LMTK3: variants seen among roughly 807,000 people sequenced by gnomAD.
LMTK3 encodes serine/threonine-protein kinase LMTK3.
LMTK3 carries 27 observed loss-of-function variants against 116.7 expected under a neutral mutation model. That is an observed-to-expected ratio of 0.23 (90% CI 0.17 to 0.32). The LOEUF (loss-of-function observed/expected upper bound fraction) is 0.32. Among genes scored for constraint, LMTK3 ranks in the 10% least tolerant of loss-of-function variants. The pLI is 1.00. For missense variants in LMTK3, 1,764 were observed against 2,068.5 expected (o/e 0.85, Z 2.86); for synonymous variants, 965 against 971.0 (o/e 0.99, Z 0.11).
rs1266153335 is a variant in LMTK3 at position 48,510,053 on chromosome 19, G to A, written c.331C>T (p.Pro111Ser). ...YILPLAEVSL[P>S]MPAPQPSHSD... Reference sequence around the variant, plus strand: ...TGTGAAGGCTGCGGGGCAGGCATTGGCAGGGAGACCTCAGCCAGCGGGAGA... The same window carrying A: ...TGTGAAGGCTGCGGGGCAGGCATTGACAGGGAGACCTCAGCCAGCGGGAGA... The change falls in exon 3 of 15, where the codon CCA (proline) becomes TCA (serine). Residue 111 changes from proline to serine, a missense_variant. Physicochemically the swap from Pro to Ser is moderately conservative, Grantham distance 74. Transcript: ENST00000600059. The A allele has an allele frequency of 8.1e-6, 13 of 1,613,828 alleles. No homozygotes were observed. The highest frequency in any genetic ancestry group is 1.3e-5 in the African/African-American group (1 of 74,918).
intron 5 of LMTK3, among the ~76,000 whole-genome samples, chr19:48,507,057 G>T (rs1972582782): frequency 6.6e-6 from 1 of 152,186 alleles, no homozygotes; most frequent in South Asian, 2.1e-4. Flanking sequence ...CTCCCAAAGT[G>T]CTAGGATTAC....
Position 48,497,825 on chromosome 19 carries a change from C to G in LMTK3, c.3244G>C (p.Gly1082Arg), listed in dbSNP as rs1003487730. The change falls in exon 11 of 15, where the codon GGG becomes CGG. Residue 1082 changes from glycine to arginine, a missense_variant. This residue lies in a region of LMTK3 where 1,028 missense variants were observed against 1,050.6 expected (regional missense o/e 0.98). Transcript: ENST00000600059. This position sits in a 1 kb window ranked among gnomAD's most constrained non-coding sequence, Gnocchi z 5.7. ...PGPLGPAPKN[G>R]TLEPGTERRA... ...CTCTCGGTCCCGGGTTCCAGCGTCC[C>G]GTTCTTGGGGGCTGGGCCAAGGGGG... The G allele has an allele frequency of 1.4e-6, 2 of 1,395,890 alleles. No homozygotes were observed. Among genetic ancestry groups the G allele is most frequent in the Non-Finnish European group, 1.9e-6 (2 of 1,081,074 alleles). The allele number at this position is 1,395,890 out of a possible 1,614,324, so 86.5% of individuals were successfully genotyped here. A position where few individuals can be genotyped will look rare whatever the true frequency, so the allele number is the denominator to read the frequency against.
chr19:48,499,093 C>T lies in LMTK3; in HGVS notation c.1976G>A (p.Gly659Asp). 1.3e-6 allele frequency: 2 copies of T among 1,553,434 alleles called. No homozygotes were observed. The highest frequency in any genetic ancestry group is 1.7e-6 in the Non-Finnish European group (2 of 1,154,634). The change falls in exon 11 of 15, where the codon GGT becomes GAT. Residue 659 changes from glycine to aspartate, a missense_variant. By Grantham distance (94) the Gly-to-Asp change is moderately conservative. Transcript: ENST00000600059. ...SPGEDSSSLG[G>D]GPSRRGPLPC... Reference sequence around the variant, plus strand: ...TAGGGGACCCCGGCGGCTTGGGCCACCTCCAAGGCTGCTGCTGTCTTCCCC... The same window carrying T: ...TAGGGGACCCCGGCGGCTTGGGCCATCTCCAAGGCTGCTGCTGTCTTCCCC...
At chr19:48,487,644 T>A (rs888128672) in intron 14 of LMTK3, among the ~76,000 whole-genome samples, 1 of 152,122 alleles carries the variant, frequency 6.6e-6, no homozygotes, top group Non-Finnish European at 1.5e-5. Context: ...AACTTTCCTA[T>A]GACTCTAGCT....
chr19:48,499,576 T>G lies in LMTK3; in HGVS notation c.1493A>C (p.Gln498Pro). Reference sequence around the variant, plus strand: ...GGGGGCCGGGGGGGCCGACGCCGGCTGCCAGGCAGGTGCCCCCCCACCCCG... The same window carrying G: ...GGGGGCCGGGGGGGCCGACGCCGGCGGCCAGGCAGGTGCCCCCCCACCCCG... Reference protein sequence around the residue: ...AGRGGGAPAWQPASAPPAPHA... With the variant: ...AGRGGGAPAWPPASAPPAPHA... The change falls in exon 11 of 15, where the codon CAG (glutamine) becomes CCG (proline). Residue 498 changes from glutamine (Q) to proline (P), a missense_variant. Gln to Pro is a moderately conservative substitution (Grantham distance 76, BLOSUM62 -1). Transcript: ENST00000600059. 1 of 1,525,644 alleles carries G rather than the reference T, an allele frequency of 6.6e-7. No individual in the cohort carries two copies. The highest frequency in any genetic ancestry group is 8.8e-7 in the Non-Finnish European group (1 of 1,138,750). 94.5% of individuals were successfully genotyped at this position (1,525,644 alleles called of 1,614,324 possible).
At chr19:48,505,103 CTTTTTTTTTTT>C (rs33927563) in intron 5 of LMTK3, among the ~76,000 whole-genome samples, 8 of 55,572 alleles carry the variant, frequency 1.4e-4, no homozygotes, top group South Asian at 9.5e-4. Flanking sequence ...CTCTCTCTCT[CTTTTTTTTTTT>C]TTTTTTTTTT....
Position 48,510,566 on chromosome 19 carries a change from G to A in LMTK3, c.103C>T (p.Leu35=). Residue 35 remains leucine (L), a synonymous_variant, in exon 2 of 15, where the codon CTG becomes TTG. Transcript: ENST00000600059. ...AGGACCACAGCGTAGGGAGGAGCCA[G>A]AGGAGCCCGGCCCAGGGCGAATCCA... ...PDGFALGRAP[L]APPYAVVLIS... is the part of the protein sequence containing the mutation. 6.3e-7 allele frequency: 1 copy of A among 1,595,278 alleles called. No individual in the cohort carries two copies. Among genetic ancestry groups the A allele is most frequent in the South Asian group, 1.1e-5 (1 of 87,794 alleles).
chr19:48,493,622 G>A, intron 12 of LMTK3, 72 bp downstream of exon 12: 1 of 1,471,882 alleles, frequency 6.8e-7, no homozygotes, highest in Non-Finnish European at 9.1e-7. Context: ...CTCCCGCCAG[G>A]CCCTTCCCGG....
intron 14 of LMTK3, among the ~76,000 whole-genome samples, chr19:48,488,225 G>A (rs925811499): frequency 1.6e-4 from 25 of 152,220 alleles, no homozygotes; most frequent in African/African-American, 6.0e-4. Context: ...GAGGCCCTGC[G>A]ATGATGGCCT....
rs926972389 is a variant in LMTK3 at position 48,498,611 on chromosome 19, G to A, written c.2458C>T (p.Arg820Trp). The A allele has an allele frequency of 1.1e-4, 177 of 1,545,706 alleles. No individual in the cohort carries two copies. The highest frequency in any genetic ancestry group is 1.5e-4 in the Non-Finnish European group (172 of 1,145,198). ...GGAAEEEGVP[R>W]PRAPPEPPDP... ...GGTGGCTCGGGGGGAGCCCGCGGCC[G>A]AGGGACCCCTTCCTCCTCGGCCGCC... The change falls in exon 11 of 15, where the codon CGG (arginine) becomes TGG (tryptophan). Residue 820 changes from arginine (R) to tryptophan (W), a missense_variant. Arg to Trp is a moderately radical substitution (Grantham distance 101). This residue lies in a region of LMTK3 where 1,028 missense variants were observed against 1,050.6 expected (regional missense o/e 0.98). Transcript: ENST00000600059.
intron 12 of LMTK3, among the ~76,000 whole-genome samples, chr19:48,493,395 C>T (rs1352622756): frequency 1.4e-5 from 2 of 139,362 alleles, no homozygotes; most frequent in Non-Finnish European, 3.0e-5. Context: ...CCAGGCCCCG[C>T]CCCACTCTAG....
chr19:48,492,543 G>T (rs1455314412), intron 12 of LMTK3, among the ~76,000 whole-genome samples: 1 of 152,000 alleles, frequency 6.6e-6, no homozygotes, highest in African/African-American at 2.4e-5. Flanking sequence ...CAGTCGTTAG[G>T]TTCGCTCATC....
Position 48,498,720 on chromosome 19 carries a change from G to A in LMTK3, c.2349C>T (p.Leu783=). 4.6e-6 allele frequency: 7 copies of A among 1,532,800 alleles called. No individual in the cohort carries two copies. Among genetic ancestry groups the A allele is most frequent in the Non-Finnish European group, 6.1e-6 (7 of 1,145,230 alleles). The allele number at this position is 1,532,800 out of a possible 1,614,324, so 94.9% of individuals were successfully genotyped here. ...PSAVASPGSG[L]SSPGPKPGDS... ...CCCCCGGCTTGGGGCCCGGCGACGA[G>A]AGGCCTGAACCGGGACTGGCCACGG... The change falls in exon 11 of 15, where the codon CTC becomes CTT. Residue 783 remains leucine (L), a synonymous_variant. Transcript: ENST00000600059.
chr19:48,508,999 G>A, intron 4 of LMTK3, 30 bp from the exon 5 acceptor site: 2 of 1,496,082 alleles, frequency 1.3e-6, no homozygotes, highest in South Asian at 2.4e-5. Context: ...GAGTCAGCGA[G>A]TGCCGTTTCC....
Position 48,485,553 on chromosome 19 carries a change from A to C in LMTK3, c.*220T>G. 2.5e-6 allele frequency: 1 copy of C among 406,684 alleles called. No individual in the cohort carries two copies. Among genetic ancestry groups the C allele is most frequent in the Non-Finnish European group, 4.1e-6 (1 of 242,216 alleles). 25.2% of individuals were successfully genotyped at this position (406,684 alleles called of 1,614,324 possible). On this transcript the variant is annotated 3_prime_UTR_variant, in exon 15 of 15. Coordinates refer to ENST00000600059, the MANE Select transcript of LMTK3 (RefSeq NM_001388485.1). ...GGGATTCCTGCCTCATTTGGCTCCG[A>C]GGGGGTCAGGGGGGTCAGGGGAGCC...
At chr19:48,509,905 T>C (rs1053699842) in intron 3 of LMTK3, 118 bp downstream of exon 3, 11 of 1,137,242 alleles carry the variant, frequency 9.7e-6, no homozygotes, top group Non-Finnish European at 1.4e-5. Flanking sequence ...CTCCCACCTA[T>C]GCCTTTCCCA....
In LMTK3 at chr19:48,493,940, G is replaced by C. The variant is rs1207811572; in HGVS notation, c.3846C>G (p.Asp1282Glu). The C allele has an allele frequency of 2.9e-6, 3 of 1,035,902 alleles. No individual in the cohort carries two copies. Among genetic ancestry groups the C allele is most frequent in the Non-Finnish European group, 3.5e-6 (3 of 866,950 alleles). 64.2% of individuals were successfully genotyped at this position (1,035,902 alleles called of 1,614,324 possible). The change falls in exon 12 of 15, where the codon GAC becomes GAG. Residue 1282 changes from aspartate to glutamate, a missense_variant. This residue lies in a region of LMTK3 where 281 missense variants were observed against 301.4 expected (regional missense o/e 0.93). Transcript: ENST00000600059. ...CCTCCTCGTCCTCCTCCTCGTCCTC[G>C]TCCTCGTCCTCCCCGTCCTCCTCCG... Reference protein sequence around the residue: ...GPAEEDGEDEDEDEEEDEEAA... With the variant: ...GPAEEDGEDEEEDEEEDEEAA...
chr19:48,509,553 C>A (rs765065446), intron 3 of LMTK3, 40 bp from the exon 4 acceptor site: 2 of 1,505,576 alleles, frequency 1.3e-6, no homozygotes, highest in South Asian at 2.6e-5. Flanking sequence ...AGTCTCTCCC[C>A]CTTCCTGAGT....
At chr19:48,501,451 C>T (rs143363986) in intron 8 of LMTK3, 27 bp downstream of exon 8, 5 of 1,612,632 alleles carry the variant, frequency 3.1e-6, no homozygotes, top group South Asian at 2.2e-5. Context: ...ACCCCACAGC[C>T]CCCATCCCGA....
Sources: allele counts gnomAD v4.1 joint callset (sites outside exome capture counted in the v4.1 genomes callset), GRCh38; gene constraint gnomAD v4.1.1; regional missense constraint gnomAD v4.1.1; non-coding constraint Gnocchi (gnomAD v3.1); transcripts MANE v1.5; gene names NCBI Gene and HGNC (gene_info 2026-07-23, HGNC 2026-07-21).